Variants in CADM2 observed in about 807,000 individuals in gnomAD.
CADM2 encodes the protein cell adhesion molecule 2, also known as immunoglobulin superfamily member 4D.
Under a neutral mutation model 49.8 loss-of-function variants are expected in CADM2, and 12 were observed. That is an observed-to-expected ratio of 0.24 (90% CI 0.15 to 0.39). CADM2 has a LOEUF of 0.39. Ranked by LOEUF, CADM2 falls within the 10% of genes least tolerant of loss-of-function variation. CADM2 has a pLI of 1.00. For synonymous variants in CADM2, 214 were observed against 175.4 expected (o/e 1.22, Z -1.74); for missense variants, 378 against 492.3 (o/e 0.77, Z 2.20).
chr3:85,538,403 A>G (rs2061468497), intron 1 of CADM2, among the ~76,000 whole-genome samples: 1 of 152,020 alleles, frequency 6.6e-6, no homozygotes, highest in Admixed American at 6.6e-5. Flanking sequence ...AGAAGGGCAC[A>G]TGGTTATGAA....
intron 8 of CADM2, among the ~76,000 whole-genome samples, chr3:85,975,947 T>C (rs966038497): frequency 6.6e-6 from 1 of 151,574 alleles, no homozygotes; most frequent in Non-Finnish European, 1.5e-5. Context: ...AATCATAGGA[T>C]GTTACCATAT....
chr3:85,905,369 G>C (rs1577621492), intron 5 of CADM2, among the ~76,000 whole-genome samples: 1 of 152,102 alleles, frequency 6.6e-6, no homozygotes, highest in Non-Finnish European at 1.5e-5. Context: ...GATTTAAAAA[G>C]AGATAAACTA....
intron 1 of CADM2, among the ~76,000 whole-genome samples, chr3:85,091,352 G>A (rs2037590171): frequency 6.6e-6 from 1 of 152,004 alleles, no homozygotes; most frequent in African/African-American, 2.4e-5. Context: ...AGCAAACATA[G>A]CTGTAGTTTG....
intron 1 of CADM2, among the ~76,000 whole-genome samples, chr3:85,303,131 C>T (rs984227302): frequency 1.3e-5 from 2 of 151,820 alleles, no homozygotes; most frequent in African/African-American, 4.8e-5. Context: ...GCACTTTTCT[C>T]GTAGTATTAA....
intron 1 of CADM2, among the ~76,000 whole-genome samples, chr3:85,713,390 C>A (rs1019932387): frequency 2.0e-5 from 3 of 152,180 alleles, no homozygotes; most frequent in African/African-American, 7.2e-5. Context: ...CTCAGGTGAT[C>A]CGCCCTTCTG....
chr3:85,235,278 C>T (rs2042384996), intron 1 of CADM2, among the ~76,000 whole-genome samples: 1 of 152,038 alleles, frequency 6.6e-6, no homozygotes, highest in Admixed American at 6.6e-5. Context: ...TTTGATACTG[C>T]CTAACCTTAT....
chr3:85,413,740 C>G (rs966476817), intron 1 of CADM2, among the ~76,000 whole-genome samples: 1 of 152,184 alleles, frequency 6.6e-6, no homozygotes, highest in Non-Finnish European at 1.5e-5. Flanking sequence ...CCAAGCCCCA[C>G]CTCCAATATT....
intron 1 of CADM2, among the ~76,000 whole-genome samples, chr3:85,054,718 C>A (rs926411278): frequency 2.0e-5 from 3 of 151,880 alleles, no homozygotes; most frequent in Non-Finnish European, 2.9e-5. Flanking sequence ...CTCTTGTAAC[C>A]ATTTTTGGCC....
intron 8 of CADM2, among the ~76,000 whole-genome samples, chr3:85,967,080 T>C (rs1224024756): frequency 6.6e-6 from 1 of 151,624 alleles, no homozygotes; most frequent in Admixed American, 6.6e-5. Flanking sequence ...GCTTTTATTG[T>C]TAATAATAAA....
chr3:85,924,009 G>A (rs1318863633), intron 6 of CADM2, among the ~76,000 whole-genome samples: 1 of 152,018 alleles, frequency 6.6e-6, no homozygotes, highest in African/African-American at 2.4e-5. Context: ...TGAGTTAGTG[G>A]TGAAGTAATA....
chr3:85,416,026 A>G (rs934857514), intron 1 of CADM2, among the ~76,000 whole-genome samples: 2 of 152,156 alleles, frequency 1.3e-5, no homozygotes, highest in African/African-American at 4.8e-5. Flanking sequence ...CAGAGGACAG[A>G]TGATCATAAA....
intron 1 of CADM2, among the ~76,000 whole-genome samples, chr3:85,454,235 G>A (rs1223922623): frequency 6.6e-6 from 1 of 152,048 alleles, no homozygotes; most frequent in Admixed American, 6.6e-5. Context: ...GGAGGCTGAG[G>A]AAGGAGAATC....
chr3:85,410,867 C>T (rs188253700), intron 1 of CADM2, among the ~76,000 whole-genome samples: 4 of 152,252 alleles, frequency 2.6e-5, no homozygotes, highest in African/African-American at 9.6e-5. Flanking sequence ...AGAGGCACAA[C>T]CACAATGGAT....
intron 3 of CADM2, among the ~76,000 whole-genome samples, chr3:85,822,873 G>A (rs2073673596): frequency 6.6e-6 from 1 of 152,076 alleles, no homozygotes; most frequent in African/African-American, 2.4e-5. Context: ...CTTTTTCACT[G>A]ATTATTGTAC....
intron 2 of CADM2, among the ~76,000 whole-genome samples, chr3:85,778,315 G>T (rs911917166): frequency 3.7e-4 from 57 of 152,140 alleles, no homozygotes; most frequent in African/African-American, 1.3e-3. Flanking sequence ...AAATAAAAAT[G>T]CTCATTTTAA....
chr3:85,762,147 A>C (rs2069421189), intron 2 of CADM2, among the ~76,000 whole-genome samples: 1 of 152,156 alleles, frequency 6.6e-6, no homozygotes, highest in African/African-American at 2.4e-5. Context: ...GTAGAAGAAA[A>C]GTTACAGTGC....
At chr3:85,367,083 T>C (rs2032841019) in intron 1 of CADM2, among the ~76,000 whole-genome samples, 1 of 152,056 alleles carries the variant, frequency 6.6e-6, no homozygotes, top group Non-Finnish European at 1.5e-5. Flanking sequence ...TAAATTGATG[T>C]GTCCAATTAA....
At chr3:85,343,538 A>G (rs534261833) in intron 1 of CADM2, among the ~76,000 whole-genome samples, 56 of 152,326 alleles carry the variant, frequency 3.7e-4, no homozygotes, top group African/African-American at 1.3e-3. Flanking sequence ...GAAATTGATT[A>G]CTAAATCTTC....
At chr3:85,200,461 A>C (rs946901634) in intron 1 of CADM2, among the ~76,000 whole-genome samples, 1 of 152,096 alleles carries the variant, frequency 6.6e-6, no homozygotes, top group African/African-American at 2.4e-5. Context: ...AAAGTTTAGA[A>C]ATAGGGACAC....
Sources: gnomAD v4.1 joint callset for allele counts (sites outside exome capture counted in the v4.1 genomes callset) on GRCh38, gnomAD v4.1.1 for gene constraint, MANE v1.5 for transcripts, NCBI Gene and HGNC (gene_info 2026-07-23, HGNC 2026-07-21) for gene names.